Variants in DCAF11 observed in about 807,000 individuals in gnomAD.
DCAF11 encodes DDB1- and CUL4-associated factor 11.
Under a neutral mutation model 76.1 loss-of-function variants are expected in DCAF11, and 44 were observed. That is an observed-to-expected ratio of 0.58 (90% CI 0.45 to 0.74). The LOEUF (loss-of-function observed/expected upper bound fraction) is 0.74. DCAF11 is among the 30% of genes least tolerant of loss of function. DCAF11 has a pLI of 0.00. For synonymous variants in DCAF11, 258 were observed against 255.0 expected (o/e 1.01, Z -0.11); for missense variants, 604 against 709.4 (o/e 0.85, Z 1.69).
At position 24,117,268 on chromosome 14, in the gene DCAF11, G is replaced by T; in HGVS notation, c.286G>T (p.Asp96Tyr). The T allele has an allele frequency of 6.2e-7, 1 of 1,614,174 alleles. No homozygotes were observed. Among genetic ancestry groups the T allele is most frequent in the Non-Finnish European group, 8.5e-7 (1 of 1,180,032 alleles). ...AAACTTCTCCTTGGTACTCACAGTG[G>T]ATGCTACCCCTGACACCCGGGAGCT... Reference protein sequence around the residue: ...RLGDRYNPPVDATPDTRELEF... With the variant: ...RLGDRYNPPVYATPDTRELEF... Residue 96 changes from aspartate to tyrosine, a missense_variant and splice_region_variant, in exon 4 of 15, where the codon GAT (aspartate) becomes TAT (tyrosine). Coordinates refer to ENST00000446197, the MANE Select transcript of DCAF11 (RefSeq NM_025230.5). This position sits in a 1 kb window ranked among gnomAD's most constrained non-coding sequence, Gnocchi z 4.3.
In DCAF11 at chr14:24,117,744, G is replaced by A; in HGVS notation, c.476+12G>A. ...CGAGTGATATCTCAGTGAGTATGGG[G>A]CTTGGTGAAGAGACTCTAAGGGCCA... is the stretch of plus-strand genomic sequence containing the variant. On this transcript the variant is annotated intron_variant, in intron 5 of 14. Coordinates refer to ENST00000446197, the MANE Select transcript of DCAF11 (RefSeq NM_025230.5). The surrounding 1 kb of genome is among the most constrained non-coding windows in gnomAD (Gnocchi z 4.3). The A allele has an allele frequency of 1.2e-6, 2 of 1,613,424 alleles. No homozygotes were observed. Among genetic ancestry groups the A allele is most frequent in the Non-Finnish European group, 1.7e-6 (2 of 1,179,498 alleles).
In DCAF11 at chr14:24,121,712, G is replaced by T. The variant is rs2037694022; in HGVS notation, c.1399+195G>T. 5 of 638,150 alleles carry T rather than the reference G, an allele frequency of 7.8e-6. No individual in the cohort carries two copies. In the South Asian group the frequency reaches 1.2e-4, roughly 15 times the overall value. 39.5% of individuals were successfully genotyped at this position (638,150 alleles called of 1,614,324 possible). A position where few individuals can be genotyped will look rare whatever the true frequency, so the allele number is the denominator to read the frequency against. ...GTTTTAAATTAAGAAAAGGAACATA[G>T]AATTCTAGACAGTAAATATAATAGA... On this transcript the variant is annotated intron_variant, in intron 13 of 14. Coordinates refer to ENST00000446197, the MANE Select transcript of DCAF11 (RefSeq NM_025230.5).
chr14:24,115,668 C>T lies in DCAF11; in HGVS notation c.74C>T (p.Ala25Val). Residue 25 changes from alanine to valine, a missense_variant, in exon 2 of 15, where the codon GCT becomes GTT. Physicochemically the swap from Ala to Val is moderately conservative, Grantham distance 64 (BLOSUM62 0). Transcript: ENST00000446197. ...TCCGAGGGCTTGCCCCGAAGAGGGG[C>T]TGGCCTGCGTCGGAGTGAGGAAGAG... is the stretch of plus-strand genomic sequence containing the variant. ...DPSEGLPRRG[A>V]GLRRSEEEEE... is the part of the protein sequence containing the mutation. 1.2e-6 allele frequency: 2 copies of T among 1,613,840 alleles called. No individual in the cohort carries two copies. Among genetic ancestry groups the T allele is most frequent in the South Asian group, 1.1e-5 (1 of 91,064 alleles).
rs926198740 is a variant in DCAF11, at chr14:24,118,667, C to T, written c.725-83C>T. The stretch of plus-strand genomic sequence containing the variant: ...CCCAAAGTGCTCCAGTACCCTTGTC[C>T]CCTGTTTGATCTCTTCCCTAGCTTC... On this transcript the variant is annotated intron_variant, in intron 7 of 14. Coordinates refer to ENST00000446197, the MANE Select transcript of DCAF11 (RefSeq NM_025230.5). The T allele has an allele frequency of 3.1e-6, 5 of 1,598,128 alleles. No individual in the cohort carries two copies. The East Asian group carries it at 8.9e-5, about 29-fold the overall frequency.
Position 24,115,769 on chromosome 14 carries a change from G to C in DCAF11, c.155+20G>C. 1 of 1,606,956 alleles carries C rather than the reference G, an allele frequency of 6.2e-7. No individual in the cohort carries two copies. The highest frequency in any genetic ancestry group is 8.5e-7 in the Non-Finnish European group (1 of 1,176,188). ...CCGCAGGTAACTTACCCTCTGGTGT[G>C]ACCCCCAGCAGGTGCTACCACAGTG... On this transcript the variant is annotated intron_variant, in intron 2 of 14. Transcript: ENST00000446197.
Position 24,119,760 on chromosome 14 carries a change from G to A in DCAF11, c.956G>A (p.Ser319Asn), listed in dbSNP as rs770722843. Residue 319 changes from serine to asparagine, a missense_variant, in exon 11 of 15, where the codon AGC becomes AAC. By Grantham distance (46) the Ser-to-Asn change is conservative. Transcript: ENST00000446197. ...AATGCAGTGGCCTTTGCTGATATAA[G>A]CTCCCAAATCCTGTTCTCTGGGGGA... ...DVNAVAFADI[S>N]SQILFSGGDD... 7 of 1,614,226 alleles carry A rather than the reference G, an allele frequency of 4.3e-6. No homozygotes were observed. The highest frequency in any genetic ancestry group is 5.9e-6 in the Non-Finnish European group (7 of 1,180,046).
intron 8 of DCAF11, 27 bp from the exon 9 acceptor site, chr14:24,119,118 C>T: frequency 6.2e-7 from 1 of 1,614,178 alleles, no homozygotes; most frequent in Non-Finnish European, 8.5e-7. Flanking sequence ...AGGAAGTCCA[C>T]TTAACCCAGC....
Position 24,119,881 on chromosome 14 carries a change from C to A in DCAF11, c.1077C>A (p.Thr359=). The A allele has an allele frequency of 6.2e-7, 1 of 1,612,382 alleles. No homozygotes were observed. Among genetic ancestry groups the A allele is most frequent in the South Asian group, 1.1e-5 (1 of 90,770 alleles). Reference sequence around the variant, plus strand: ...TGGCTGGACACCAGGATGGCATCACCTTCATTGACAGCAAGGTGGGCCAGA... The same window carrying A: ...TGGCTGGACACCAGGATGGCATCACATTCATTGACAGCAAGGTGGGCCAGA... ...GALAGHQDGI[T]FIDSKGDARY... Residue 359 remains threonine (T), a synonymous_variant, in exon 11 of 15, where the codon ACC becomes ACA. Transcript: ENST00000446197.
chr14:24,125,237 T>C lies in DCAF11; in HGVS notation c.*1928T>C, dbSNP rs1356215189. Reference sequence around the variant, plus strand: ...AAAATAAATAATAAATAAATAAATGTTCAGATCCTTGGCTTCTGTGTTCTC... The same window carrying C: ...AAAATAAATAATAAATAAATAAATGCTCAGATCCTTGGCTTCTGTGTTCTC... On this transcript the variant is annotated 3_prime_UTR_variant, in exon 15 of 15. Transcript: ENST00000446197. 1.3e-5 allele frequency: 2 copies of C among 152,094 alleles called. No individual in the cohort carries two copies. Among genetic ancestry groups the C allele is most frequent in the Admixed American group, 1.3e-4 (2 of 15,240 alleles). The allele number at this position is 152,094 out of a possible 1,614,324, so 9.4% of individuals were successfully genotyped here. A position where few individuals can be genotyped will look rare whatever the true frequency, so the allele number is the denominator to read the frequency against.
chr14:24,117,456 C>T lies in DCAF11; in HGVS notation c.411+63C>T, dbSNP rs995746857. On this transcript the variant is annotated intron_variant, in intron 4 of 14. Transcript: ENST00000446197. The surrounding 1 kb of genome is among the most constrained non-coding windows in gnomAD (Gnocchi z 4.3). The stretch of plus-strand genomic sequence containing the variant: ...CCAAAGCAGCCAGAAGCTCTGCCAG[C>T]CCCAGAGAAAAAGGAAGTCAACTTT... 1.2e-6 allele frequency: 2 copies of T among 1,602,260 alleles called. No homozygotes were observed. The highest frequency in any genetic ancestry group is 4.5e-5 in the East Asian group (2 of 44,716).
chr14:24,119,958 T>G lies in DCAF11; in HGVS notation c.1092+62T>G, dbSNP rs1594338435. On this transcript the variant is annotated intron_variant, in intron 11 of 14. Coordinates refer to ENST00000446197, the MANE Select transcript of DCAF11 (RefSeq NM_025230.5). ...AAGGTTCTAGTTGCCCAGGAGGGCATGAAAGCGGACTGGTGTGGGAATTTG... is the reference window on the plus strand; with the variant it reads ...AAGGTTCTAGTTGCCCAGGAGGGCAGGAAAGCGGACTGGTGTGGGAATTTG... The G allele has an allele frequency of 1.1e-5, 16 of 1,495,100 alleles. No homozygotes were observed. In the East Asian group the frequency reaches 3.9e-4, roughly 36 times the overall value. The allele number at this position is 1,495,100 out of a possible 1,614,324, so 92.6% of individuals were successfully genotyped here. A position where few individuals can be genotyped will look rare whatever the true frequency, so the allele number is the denominator to read the frequency against.
intron 11 of DCAF11, among the ~76,000 whole-genome samples, chr14:24,120,198 G>A (rs150636205): frequency 0.018 from 2,695 of 151,420 alleles, 46 homozygotes; most frequent in Non-Finnish European, 0.028. Flanking sequence ...GAGCTCAGGC[G>A]TTCCAGACCA....
In DCAF11 at chr14:24,124,771, G is replaced by A. The variant is rs8009511; in HGVS notation, c.*1462G>A. 0.35 allele frequency: 53,666 copies of A among 152,122 alleles called. 10,081 individuals are homozygous for A. The highest frequency in any genetic ancestry group is 0.63 in the East Asian group (3,236 of 5,158). The allele number at this position is 152,122 out of a possible 1,614,324, so 9.4% of individuals were successfully genotyped here. A position where few individuals can be genotyped will look rare whatever the true frequency, so the allele number is the denominator to read the frequency against. On this transcript the variant is annotated 3_prime_UTR_variant, in exon 15 of 15. Coordinates refer to ENST00000446197, the MANE Select transcript of DCAF11 (RefSeq NM_025230.5). The stretch of plus-strand genomic sequence containing the variant: ...AAATACAAAAAGTAGGCCGGGCACG[G>A]TGGTTCACACCTGTAATCCCGGCAT...
At chr14:24,115,834 G>A (rs2037541407) in intron 2 of DCAF11, 85 bp downstream of exon 2, 1 of 1,518,390 alleles carries the variant, frequency 6.6e-7, no homozygotes, top group South Asian at 1.3e-5. Flanking sequence ...ACAGAGGTTA[G>A]GAAATGGGAT....
intron 2 of DCAF11, among the ~76,000 whole-genome samples, chr14:24,115,964 G>C (rs1465451947): frequency 6.6e-6 from 1 of 152,022 alleles, no homozygotes; most frequent in East Asian, 1.9e-4. Context: ...AAGAGGACCT[G>C]CTCATGTGTT....
intron 9 of DCAF11, 135 bp downstream of exon 9, chr14:24,119,348 T>G: frequency 1.5e-6 from 2 of 1,304,036 alleles, no homozygotes; most frequent in East Asian, 2.3e-5. Flanking sequence ...GATTTACAAG[T>G]TGCTTCACCC....
intron 11 of DCAF11, 91 bp from the exon 12 acceptor site, chr14:24,120,747 T>G: frequency 2.0e-6 from 3 of 1,496,698 alleles, no homozygotes; most frequent in South Asian, 1.3e-5. Context: ...GAGGCCAGAG[T>G]TCTTCTGCTC....
At chr14:24,120,135 G>A (rs1003536574) in intron 11 of DCAF11, among the ~76,000 whole-genome samples, 4 of 152,140 alleles carry the variant, frequency 2.6e-5, no homozygotes, top group African/African-American at 7.2e-5. Context: ...CAGGTACAGC[G>A]GCTCACACCT....
intron 12 of DCAF11, 92 bp from the exon 13 acceptor site, chr14:24,121,271 GTC>G (rs1172289421): frequency 2.0e-6 from 3 of 1,511,064 alleles, no homozygotes; most frequent in Non-Finnish European, 2.7e-6. Flanking sequence ...AAAGGCATTT[GTC>G]TCTGGGCATC....
Sources: allele counts gnomAD v4.1 joint callset (sites outside exome capture counted in the v4.1 genomes callset), GRCh38; gene constraint gnomAD v4.1.1; non-coding constraint Gnocchi (gnomAD v3.1); transcripts MANE v1.5; gene names NCBI Gene and HGNC (gene_info 2026-07-23, HGNC 2026-07-21).